Variants in ELAVL3 observed in about 807,000 individuals in gnomAD.
ELAVL3 encodes ELAV like RNA binding protein 3, also known as ELAV-like protein 3.
ELAVL3 carries 8 observed loss-of-function variants against 34.2 expected under a neutral mutation model. The ratio of observed to expected loss-of-function variants is 0.23; its 90% CI spans 0.14 to 0.42. The LOEUF (loss-of-function observed/expected upper bound fraction) is 0.42, where lower values mean the gene tolerates loss of function less well. Ranked by LOEUF, ELAVL3 falls within the 10% of genes least tolerant of loss-of-function variation. ELAVL3 has a pLI of 1.00. For synonymous variants in ELAVL3, 209 were observed against 222.1 expected, an observed-to-expected ratio of 0.94 and a Z score of 0.53; for missense variants, 273 against 518.8, an observed-to-expected ratio of 0.53 and a Z score of 4.60.
Position 11,452,937 on chromosome 19 carries a change from G to A in ELAVL3, c.*1589C>T, listed in dbSNP as rs1970685634. 1 of 152,258 alleles carries A rather than the reference G, an allele frequency of 6.6e-6. No homozygotes were observed. The highest frequency in any genetic ancestry group is 2.4e-5 in the African/African-American group (1 of 41,440). The allele number at this position is 152,258 out of a possible 1,614,324, so 9.4% of individuals were successfully genotyped here. On this transcript the variant is annotated 3_prime_UTR_variant, in exon 7 of 7. Transcript: ENST00000359227. ...GGCTGTGTCCACTGCAATCTGGAAA[G>A]ACGAAAAACCCAACAAACCGAAAGG...
Position 11,466,095 on chromosome 19 carries a change from G to A in ELAVL3, c.333+77C>T, listed in dbSNP as rs903076719. 15 of 1,286,668 alleles carry A rather than the reference G, an allele frequency of 1.2e-5. No homozygotes were observed. The highest frequency in any genetic ancestry group is 6.1e-5 in the South Asian group (5 of 82,306). 79.7% of individuals were successfully genotyped at this position (1,286,668 alleles called of 1,614,324 possible). A position where few individuals can be genotyped will look rare whatever the true frequency, so the allele number is the denominator to read the frequency against. On this transcript the variant is annotated intron_variant, in intron 3 of 6. Coordinates refer to ENST00000359227, the MANE Select transcript of ELAVL3 (RefSeq NM_001420.4). This position sits in a 1 kb window ranked among gnomAD's most constrained non-coding sequence, Gnocchi z 5.0. ...GCAGTGGACATGGATGCATGGGGGC[G>A]GGTAGGTGGCAGTAGGGGGTTGGGG...
chr19:11,457,147 G>C lies in ELAVL3; in HGVS notation c.715C>G (p.Leu239Val), dbSNP rs1452564562. ...PLHHQTQRFR[L>V]DNLLNMAYGV... The stretch of plus-strand genomic sequence containing the variant: ...TAGGCCATGTTGAGCAAATTGTCCA[G>C]CCTGTGGAGGCAGAGGTGGTGGTCA... Residue 239 changes from leucine to valine, a missense_variant and splice_region_variant, in exon 6 of 7, where the codon CTG becomes GTG. Transcript: ENST00000359227. The C allele has an allele frequency of 6.4e-7, 1 of 1,553,086 alleles. No homozygotes were observed. The highest frequency in any genetic ancestry group is 1.2e-5 in the South Asian group (1 of 81,248).
chr19:11,464,197 C>G (rs1279114032), intron 3 of ELAVL3, among the ~76,000 whole-genome samples: 3 of 126,942 alleles, frequency 2.4e-5, no homozygotes, highest in Non-Finnish European at 4.8e-5. Context: ...GGGTCTTGCT[C>G]TGTTGCCGAG....
chr19:11,458,316 C>T lies in ELAVL3; in HGVS notation c.488-30G>A, dbSNP rs763717629. ...CAGGGGGCAGGGATGTCCATCACGA[C>T]GACCCTGTCCCCTCCTGTGTAACCC... On this transcript the variant is annotated intron_variant, in intron 4 of 6. Coordinates refer to ENST00000359227, the MANE Select transcript of ELAVL3 (RefSeq NM_001420.4). This position sits in a 1 kb window ranked among gnomAD's most constrained non-coding sequence, Gnocchi z 7.3. 30 of 1,610,654 alleles carry T rather than the reference C, an allele frequency of 1.9e-5. No homozygotes were observed. The highest frequency in any genetic ancestry group is 3.3e-5 in the Admixed American group (2 of 59,946).
Position 11,466,494 on chromosome 19 carries a change from C to A in ELAVL3, c.229+114G>T. 1.6e-6 allele frequency: 2 copies of A among 1,273,818 alleles called. No individual in the cohort carries two copies. Among genetic ancestry groups the A allele is most frequent in the Non-Finnish European group, 1.1e-6 (1 of 898,146 alleles). 78.9% of individuals were successfully genotyped at this position (1,273,818 alleles called of 1,614,324 possible). ...CATCAGACCTCACATCCCTAGACCA[C>A]CTCCTGCCTCGATTACCCCCGAGAC... On this transcript the variant is annotated intron_variant, in intron 2 of 6. Transcript: ENST00000359227. The surrounding 1 kb of genome is among the most constrained non-coding windows in gnomAD (Gnocchi z 5.0).
chr19:11,461,837 G>T (rs1531101), intron 3 of ELAVL3, among the ~76,000 whole-genome samples: 3,873 of 152,276 alleles, frequency 0.025, 98 homozygotes, highest in African/African-American at 0.067. Flanking sequence ...GTTTGGGACA[G>T]TGAGTTGAGA....
At position 11,458,558 on chromosome 19, in the gene ELAVL3, G is replaced by T; in HGVS notation, c.387C>A (p.Val129=). Residue 129 remains valine, a synonymous_variant, in exon 4 of 7, where the codon GTC becomes GTA. Coordinates refer to ENST00000359227, the MANE Select transcript of ELAVL3 (RefSeq NM_001420.4). This position sits in a 1 kb window ranked among gnomAD's most constrained non-coding sequence, Gnocchi z 7.3. Reference sequence around the variant, plus strand: ...GGCTCATGGTCTTGGGGAGCCCGCTGACGTACAGGTTAGCATCCCGGATGG... The same window carrying T: ...GGCTCATGGTCTTGGGGAGCCCGCTTACGTACAGGTTAGCATCCCGGATGG... The part of the protein sequence containing the change: ...SASIRDANLY[V]SGLPKTMSQK... 6.2e-7 allele frequency: 1 copy of T among 1,614,140 alleles called. No individual in the cohort carries two copies.
intron 3 of ELAVL3, among the ~76,000 whole-genome samples, chr19:11,460,035 C>T (rs1970850826): frequency 6.6e-6 from 1 of 152,008 alleles, no homozygotes; most frequent in South Asian, 2.1e-4. Flanking sequence ...CATCCAGGTG[C>T]CCCACATGGG....
intron 6 of ELAVL3, among the ~76,000 whole-genome samples, chr19:11,455,945 C>T (rs535284088): frequency 6.6e-6 from 1 of 152,262 alleles, no homozygotes; most frequent in Admixed American, 6.5e-5. Flanking sequence ...GGGCCTGAAC[C>T]ATTCAATCCT....
At chr19:11,467,877 C>G (rs979238817) in intron 1 of ELAVL3, among the ~76,000 whole-genome samples, 3 of 152,112 alleles carry the variant, frequency 2.0e-5, no homozygotes, top group African/African-American at 7.2e-5. Flanking sequence ...GCATCCTCGA[C>G]CTTCCAGGCT....
rs1970643121 is a variant in ELAVL3 at position 11,451,750 on chromosome 19, G to C, written c.*2776C>G. 6.6e-6 allele frequency: 1 copy of C among 150,966 alleles called. No homozygotes were observed. The highest frequency in any genetic ancestry group is 2.1e-4 in the South Asian group (1 of 4,792). The allele number at this position is 150,966 out of a possible 1,614,324, so 9.4% of individuals were successfully genotyped here. On this transcript the variant is annotated 3_prime_UTR_variant, in exon 7 of 7. Coordinates refer to ENST00000359227, the MANE Select transcript of ELAVL3 (RefSeq NM_001420.4). ...TGGCTGGGCTGAGTTTTGTGTTTTAGAAAAAGAAGTCCCCTCCCAGTCTTG... is the reference window on the plus strand; with the variant it reads ...TGGCTGGGCTGAGTTTTGTGTTTTACAAAAAGAAGTCCCCTCCCAGTCTTG...
At chr19:11,477,373 C>G (rs1434063550) in intron 1 of ELAVL3, among the ~76,000 whole-genome samples, 2 of 152,032 alleles carry the variant, frequency 1.3e-5, no homozygotes, top group East Asian at 3.9e-4. Flanking sequence ...CTCACTGAAG[C>G]CTTAACCTCC....
rs897636192 is a variant in ELAVL3, at chr19:11,480,055, C to A, written c.9+545G>T. On this transcript the variant is annotated intron_variant, in intron 1 of 6. Coordinates refer to ENST00000359227, the MANE Select transcript of ELAVL3 (RefSeq NM_001420.4). The surrounding 1 kb of genome is among the most constrained non-coding windows in gnomAD (Gnocchi z 6.8). ...CAGCAGCGGCGGCGGGCCCGCGGGG[C>A]CTCCGGGCGCGCCCCCTCCTCTCCC... Among the ~76,000 whole-genome samples, 7 of 151,840 alleles carry A rather than the reference C, an allele frequency of 4.6e-5. No homozygotes were observed. Among genetic ancestry groups the A allele is most frequent in the Non-Finnish European group, 8.8e-5 (6 of 67,892 alleles).
chr19:11,465,237 CACACCACACACATACACACCGCACACAT>C (rs1971019359), intron 3 of ELAVL3, among the ~76,000 whole-genome samples: 2 of 141,006 alleles, frequency 1.4e-5, no homozygotes, highest in Non-Finnish European at 3.1e-5. Context: ...ATACACACCG[CACACCACACACATACACACCGCACACAT>C]ACACCACACA....
At chr19:11,472,389 G>T (rs1375101189) in intron 1 of ELAVL3, among the ~76,000 whole-genome samples, 1 of 151,942 alleles carries the variant, frequency 6.6e-6, no homozygotes, top group Non-Finnish European at 1.5e-5. Flanking sequence ...CTAGAGGAAT[G>T]AATTAAGAAG....
At chr19:11,455,002 C>A (rs568500605) in intron 6 of ELAVL3, 125 bp from the exon 7 acceptor site, 2 of 1,127,302 alleles carry the variant, frequency 1.8e-6, no homozygotes, top group African/African-American at 1.6e-5. Context: ...CCCTGCAATG[C>A]AATTTTTTTT....
intron 3 of ELAVL3, among the ~76,000 whole-genome samples, chr19:11,465,866 G>C (rs1041672319): frequency 6.6e-6 from 1 of 151,972 alleles, no homozygotes; most frequent in African/African-American, 2.4e-5. Context: ...GACAAAAGCA[G>C]GGAGGGGACT....
rs1271820734 is a variant in ELAVL3 at position 11,458,529 on chromosome 19, T to C, written c.416A>G (p.Lys139Arg). 2.5e-6 allele frequency: 4 copies of C among 1,614,034 alleles called. No individual in the cohort carries two copies. In the African/African-American group the frequency reaches 4.0e-5, roughly 16 times the overall value. Residue 139 changes from lysine to arginine, a missense_variant, in exon 4 of 7, where the codon AAA (lysine) becomes AGA (arginine). Lys to Arg is a conservative substitution (Grantham distance 26). Around this residue, in one of 4 missense-constraint regions of ELAVL3, gnomAD observed 102 missense variants for 250.1 expected, o/e 0.41. Coordinates refer to ENST00000359227, the MANE Select transcript of ELAVL3 (RefSeq NM_001420.4). This position sits in a 1 kb window ranked among gnomAD's most constrained non-coding sequence, Gnocchi z 7.3. ...VSGLPKTMSQKEMEQLFSQYG... is the reference protein window; with the variant it reads ...VSGLPKTMSQREMEQLFSQYG... ...CTGGGAGAAGAGCTGCTCCATCTCT[T>C]TCTGGCTCATGGTCTTGGGGAGCCC...
At chr19:11,464,592 TACAC>T (rs1339645950) in intron 3 of ELAVL3, among the ~76,000 whole-genome samples, 6 of 132,482 alleles carry the variant, frequency 4.5e-5, no homozygotes, top group Non-Finnish European at 9.7e-5. Context: ...CACACACACA[TACAC>T]ACACACATAC....
Sources: gnomAD v4.1 joint callset for allele counts (sites outside exome capture counted in the v4.1 genomes callset) on GRCh38, gnomAD v4.1.1 for gene constraint, gnomAD v4.1.1 regional missense constraint, Gnocchi (gnomAD v3.1) non-coding constraint, MANE v1.5 for transcripts, NCBI Gene and HGNC (gene_info 2026-07-23, HGNC 2026-07-21) for gene names.